Variants in SEC14L1 observed in about 807,000 individuals in gnomAD.
SEC14L1 encodes the protein SEC14 like lipid binding 1, also known as SEC14-like protein 1.
A neutral mutation model predicts 85.3 loss-of-function variants in SEC14L1; 48 were observed. That is an observed-to-expected ratio of 0.56 (90% CI 0.45 to 0.72). The LOEUF (loss-of-function observed/expected upper bound fraction) is 0.72, where lower values mean the gene tolerates loss of function less well. Among genes scored for constraint, SEC14L1 ranks in the 30% least tolerant of loss-of-function variants. The probability of loss-of-function intolerance (pLI) is 0.00; values close to 1 mark genes in which losing one functional copy is unlikely to be tolerated. For synonymous variants in SEC14L1, 391 were observed against 355.5 expected, an observed-to-expected ratio of 1.10 and a Z score of -1.12; for missense variants, 682 against 921.4, an observed-to-expected ratio of 0.74 and a Z score of 3.36.
At chr17:77,148,963 C>G (rs1256119818) in intron 3 of SEC14L1, among the ~76,000 whole-genome samples, 1 of 152,232 alleles carries the variant, frequency 6.6e-6, no homozygotes, top group Non-Finnish European at 1.5e-5. Context: ...CTGTCTTGTT[C>G]CCGTTGGCCC....
rs780319153 is a variant in SEC14L1 at position 77,213,310 on chromosome 17, C to A, written c.1864-4C>A. The A allele has an allele frequency of 3.7e-6, 6 of 1,602,632 alleles. No individual in the cohort carries two copies. In the Admixed American group the frequency reaches 1.0e-4, roughly 27 times the overall value. On this transcript the variant is annotated splice_polypyrimidine_tract_variant and splice_region_variant and intron_variant, in intron 15 of 16. Transcript: ENST00000436233. This position sits in a 1 kb window ranked among gnomAD's most constrained non-coding sequence, Gnocchi z 7.1. ...CTCAGCTGCCACTGCCCTACTTGTT[C>A]TAGGGTTCCCATGTGACCAGGTGGC...
At chr17:77,196,904 T>C (rs1035791929) in intron 8 of SEC14L1, among the ~76,000 whole-genome samples, 1 of 152,244 alleles carries the variant, frequency 6.6e-6, no homozygotes, top group African/African-American at 2.4e-5. Flanking sequence ...GGCCACCGTT[T>C]GTTGTCTTCT....
At chr17:77,106,794 G>C (rs542879030) in intron 3 of SEC14L1, among the ~76,000 whole-genome samples, 1 of 152,082 alleles carries the variant, frequency 6.6e-6, no homozygotes, top group African/African-American at 2.4e-5. Context: ...CCCTGGTGGC[G>C]CCACTGCACT....
chr17:77,171,222 C>T lies in SEC14L1; in HGVS notation c.64-19581C>T, dbSNP rs968494503. ...GGCATCACACATAGCCTGGGGACCC[C>T]AGTGAGTTCCTTGATGGAGTTGAGA... On this transcript the variant is annotated intron_variant, in intron 3 of 16. Transcript: ENST00000436233. Among the ~76,000 whole-genome samples the T allele has an allele frequency of 2.3e-4, 35 of 152,268 alleles. 1 individual carries two copies. Among genetic ancestry groups the T allele is most frequent in the Admixed American group, 3.9e-4 (6 of 15,290 alleles).
rs1240990407 is a variant in SEC14L1 at position 77,216,789 on chromosome 17, C to T, written c.*2766C>T. 1.5e-6 allele frequency: 1 copy of T among 684,524 alleles called. No homozygotes were observed. The highest frequency in any genetic ancestry group is 2.0e-5 in the South Asian group (1 of 49,540). The allele number at this position is 684,524 out of a possible 1,614,324, so 42.4% of individuals were successfully genotyped here. ...TTACAGGGTTTCCTCCCGAGTAATC[C>T]AATCTCACTCCCCTTGTAAGGGAAT... On this transcript the variant is annotated 3_prime_UTR_variant, in exon 17 of 17. Coordinates refer to ENST00000436233, the MANE Select transcript of SEC14L1 (RefSeq NM_001143998.2).
At position 77,194,726 on chromosome 17, in the gene SEC14L1, T is replaced by C; in HGVS notation, c.524T>C (p.Ile175Thr). The part of the protein sequence containing the change: ...YYLRQLEEEG[I>T]TFVPRWSPPS... The stretch of plus-strand genomic sequence containing the variant: ...CTTCGCCAATTAGAAGAAGAAGGCA[T>C]AACCTTTGTGCCCCGTTGGAGTCCG... The change falls in exon 7 of 17, where the codon ATA (isoleucine) becomes ACA (threonine). Residue 175 changes from isoleucine (I) to threonine (T), a missense_variant. By Grantham distance (89) the Ile-to-Thr change is moderately conservative. Coordinates refer to ENST00000436233, the MANE Select transcript of SEC14L1 (RefSeq NM_001143998.2). 3 of 1,614,184 alleles carry C rather than the reference T, an allele frequency of 1.9e-6. No homozygotes were observed. In the South Asian group the frequency reaches 3.3e-5, roughly 18 times the overall value.
chr17:77,102,978 A>G (rs489661), intron 3 of SEC14L1, among the ~76,000 whole-genome samples: 43,690 of 151,646 alleles, frequency 0.29, 6,541 homozygotes, highest in South Asian at 0.43. Flanking sequence ...TAATTGTTTT[A>G]CTATTTTTTA....
chr17:77,181,821 C>G (rs1265529702), intron 3 of SEC14L1, among the ~76,000 whole-genome samples: 1 of 151,908 alleles, frequency 6.6e-6, no homozygotes, highest in African/African-American at 2.4e-5. Flanking sequence ...GTGGTAGGCC[C>G]TCTGTAAAGA....
upstream of SEC14L1, among the ~76,000 whole-genome samples, chr17:77,137,488 A>T (rs1211866405): frequency 1.3e-5 from 2 of 152,220 alleles, no homozygotes; most frequent in Non-Finnish European, 2.9e-5. Flanking sequence ...GGATGGCCCA[A>T]GCCATTCATG....
Position 77,147,949 on chromosome 17 carries a change from C to G in SEC14L1, c.63+4290C>G, listed in dbSNP as rs139803093. ...AGGAGAAATTAATCAGTGAAGGACA[C>G]TGATTGATTGTGCCTTAAAGGGTTT... On this transcript the variant is annotated intron_variant, in intron 3 of 16. Coordinates refer to ENST00000436233, the MANE Select transcript of SEC14L1 (RefSeq NM_001143998.2). 1.4e-4 allele frequency among the ~76,000 whole-genome samples: 22 copies of G among 152,240 alleles called. 1 individual carries two copies. In the East Asian group the frequency reaches 3.9e-3, roughly 27 times the overall value.
chr17:77,205,407 G>A, intron 11 of SEC14L1, 61 bp downstream of exon 11: 1 of 1,435,672 alleles, frequency 7.0e-7, no homozygotes. Flanking sequence ...AATATTTCTA[G>A]TTGATTTTTG....
chr17:77,187,076 A>G (rs763924603), intron 3 of SEC14L1, among the ~76,000 whole-genome samples: 2 of 152,184 alleles, frequency 1.3e-5, no homozygotes, highest in Non-Finnish European at 2.9e-5. Context: ...CTCAAAGGAA[A>G]TGCTCATTGG....
rs144298414 is a variant in SEC14L1, at chr17:77,160,802, C to G, written c.63+17143C>G. On this transcript the variant is annotated intron_variant, in intron 3 of 16. Coordinates refer to ENST00000436233, the MANE Select transcript of SEC14L1 (RefSeq NM_001143998.2). ...CATGCTTACAGCTGAGCACTATCAG[C>G]ACATGGTTAGCTTTTATTTTTTGTG... Among the ~76,000 whole-genome samples, 358 of 151,066 alleles carry G rather than the reference C, an allele frequency of 2.4e-3. 2 individuals are homozygous for G. Among genetic ancestry groups the G allele is most frequent in the African/African-American group, 8.2e-3 (330 of 40,438 alleles).
chr17:77,113,096 C>T (rs905735445), intron 3 of SEC14L1, among the ~76,000 whole-genome samples: 1 of 151,926 alleles, frequency 6.6e-6, no homozygotes, highest in Non-Finnish European at 1.5e-5. Context: ...GAGGTTGAGG[C>T]TGCACTGAGC....
At chr17:77,187,359 T>TA (rs1975313541) in intron 3 of SEC14L1, among the ~76,000 whole-genome samples, 1 of 151,570 alleles carries the variant, frequency 6.6e-6, no homozygotes, top group South Asian at 2.1e-4. Flanking sequence ...CCTAGATTCT[T>TA]ACTACCCTAT....
intron 3 of SEC14L1, among the ~76,000 whole-genome samples, chr17:77,164,854 T>C (rs886660427): frequency 3.9e-5 from 6 of 152,174 alleles, no homozygotes. Flanking sequence ...GTCCTGAGAA[T>C]AGTAGATGAC....
At position 77,216,469 on chromosome 17, in the gene SEC14L1, C is replaced by T; in HGVS notation, c.*2446C>T. The T allele has an allele frequency of 1.9e-6, 3 of 1,611,754 alleles. No individual in the cohort carries two copies. The highest frequency in any genetic ancestry group is 1.7e-6 in the Non-Finnish European group (2 of 1,178,558). On this transcript the variant is annotated 3_prime_UTR_variant, in exon 17 of 17. Coordinates refer to ENST00000436233, the MANE Select transcript of SEC14L1 (RefSeq NM_001143998.2). ...GGTTAGTAGCGCGTCTGTGCTGCTT[C>T]CACCTGGTGCTTCCTGTTCCCAAAT...
chr17:77,094,692 C>T (rs575888259), intron 3 of SEC14L1: 2 of 152,210 alleles, frequency 1.3e-5, no homozygotes, highest in South Asian at 2.1e-4. Context: ...TCTTGAACTC[C>T]TGACCTCAGG....
At chr17:77,161,086 C>T (rs1298061813) in intron 3 of SEC14L1, among the ~76,000 whole-genome samples, 1 of 152,212 alleles carries the variant, frequency 6.6e-6, no homozygotes, top group Non-Finnish European at 1.5e-5. Flanking sequence ...TGGTCTTCAA[C>T]AAATTGTCAT....
Sources: allele counts gnomAD v4.1 joint callset (sites outside exome capture counted in the v4.1 genomes callset), GRCh38; gene constraint gnomAD v4.1.1; non-coding constraint Gnocchi (gnomAD v3.1); transcripts MANE v1.5; gene names NCBI Gene and HGNC (gene_info 2026-07-23, HGNC 2026-07-21).